Variants in TAFA2 observed in about 807,000 individuals in gnomAD.
The protein encoded by TAFA2 is TAFA chemokine like family member 2, also known as chemokine-like protein TAFA-2.
A neutral mutation model predicts 18.8 loss-of-function variants in TAFA2; 7 were observed. The observed-to-expected ratio is 0.37, with a 90% confidence interval of 0.21 to 0.70. TAFA2 has a LOEUF of 0.70. Ranked by LOEUF, TAFA2 falls within the 30% of genes least tolerant of loss-of-function variation. The pLI, the probability that TAFA2 is intolerant of heterozygous loss-of-function variation, is 0.53. For missense variants in TAFA2, 122 were observed against 158.1 expected, an observed-to-expected ratio of 0.77 and a Z score of 1.23; for synonymous variants, 60 against 54.2, an observed-to-expected ratio of 1.11 and a Z score of -0.47.
chr12:61,840,844 A>G (rs1034064757), intron 2 of TAFA2, among the ~76,000 whole-genome samples: 13 of 152,104 alleles, frequency 8.5e-5, no homozygotes, highest in African/African-American at 3.1e-4. Flanking sequence ...GAGGGTCATG[A>G]GGGAAATTTA....
At chr12:62,132,696 C>T (rs570893836) in intron 1 of TAFA2, among the ~76,000 whole-genome samples, 1 of 151,766 alleles carries the variant, frequency 6.6e-6, no homozygotes, top group African/African-American at 2.4e-5. Context: ...AAGTGAGACA[C>T]CTAAAAAACA....
chr12:61,907,566 TA>T (rs1876414540), intron 1 of TAFA2, among the ~76,000 whole-genome samples: 1 of 152,166 alleles, frequency 6.6e-6, no homozygotes. Context: ...GAACCTTAGC[TA>T]AAGCAGTGTA....
At chr12:61,917,112 T>C (rs1330798685) in intron 1 of TAFA2, among the ~76,000 whole-genome samples, 1 of 152,206 alleles carries the variant, frequency 6.6e-6, no homozygotes, top group Non-Finnish European at 1.5e-5. Flanking sequence ...TGAAGATGAC[T>C]GTTCAAGATC....
intron 2 of TAFA2, among the ~76,000 whole-genome samples, chr12:61,780,939 C>T (rs903086765): frequency 6.6e-6 from 1 of 151,684 alleles, no homozygotes; most frequent in Non-Finnish European, 1.5e-5. Context: ...CTCAAAACAT[C>T]ATAAAATCTA....
intron 2 of TAFA2, among the ~76,000 whole-genome samples, chr12:61,763,598 G>A (rs1221634088): frequency 2.0e-5 from 3 of 151,868 alleles, no homozygotes; most frequent in Non-Finnish European, 4.4e-5. Flanking sequence ...AGAGGTACGA[G>A]ACCACTGAAA....
chr12:62,254,156 AATTT>A (rs2062927555), intron 1 of TAFA2, among the ~76,000 whole-genome samples: 1 of 152,170 alleles, frequency 6.6e-6, no homozygotes, highest in South Asian at 2.1e-4. Context: ...TGATCTTATT[AATTT>A]GTTTATCTTA....
intron 1 of TAFA2, among the ~76,000 whole-genome samples, chr12:62,015,854 T>C (rs1176614476): frequency 1.3e-5 from 2 of 152,152 alleles, no homozygotes; most frequent in Non-Finnish European, 2.9e-5. Flanking sequence ...AATTCATAAA[T>C]GCAGAAAGTA....
intron 1 of TAFA2, chr12:61,880,718 C>T (rs12307486): frequency 0.014 from 5,321 of 368,362 alleles, 275 homozygotes; most frequent in African/African-American, 0.1. Flanking sequence ...TTGTGAAGAT[C>T]GAGACCCGCG....
At chr12:62,209,072 G>A (rs2062703453) in intron 1 of TAFA2, among the ~76,000 whole-genome samples, 1 of 152,014 alleles carries the variant, frequency 6.6e-6, no homozygotes, top group South Asian at 2.1e-4. Context: ...CCCAACACAA[G>A]GTTTTTGAAA....
At chr12:62,040,869 AC>A (rs569784907) in intron 1 of TAFA2, among the ~76,000 whole-genome samples, 27 of 152,136 alleles carry the variant, frequency 1.8e-4, no homozygotes, top group Non-Finnish European at 3.2e-4. Flanking sequence ...TTTCACAGAA[AC>A]TTCCTAAACA....
intron 1 of TAFA2, among the ~76,000 whole-genome samples, chr12:62,168,008 T>G (rs2062451618): frequency 6.6e-6 from 1 of 152,188 alleles, no homozygotes; most frequent in South Asian, 2.1e-4. Context: ...AAAAAACTCA[T>G]TAGCAATCTT....
At chr12:62,257,548 G>T (rs1352558732) in intron 1 of TAFA2, among the ~76,000 whole-genome samples, 1 of 152,130 alleles carries the variant, frequency 6.6e-6, no homozygotes, top group African/African-American at 2.4e-5. Context: ...ATCCTTCCTA[G>T]AGAATCTCTA....
intron 1 of TAFA2, among the ~76,000 whole-genome samples, chr12:62,081,539 C>G (rs956748050): frequency 6.6e-6 from 1 of 151,820 alleles, no homozygotes; most frequent in Admixed American, 6.6e-5. Flanking sequence ...GGCTGGAGTA[C>G]GGTGGTGCAA....
intron 1 of TAFA2, among the ~76,000 whole-genome samples, chr12:62,081,190 A>G (rs1035111892): frequency 7.2e-5 from 11 of 152,256 alleles, no homozygotes; most frequent in East Asian, 1.9e-4. Context: ...GCGAGACTCC[A>G]TCTCACAAAA....
intron 2 of TAFA2, among the ~76,000 whole-genome samples, chr12:61,814,572 G>A (rs1451455954): frequency 1.3e-5 from 2 of 151,138 alleles, no homozygotes; most frequent in African/African-American, 4.9e-5. Flanking sequence ...TAGAAGGTGG[G>A]GTACACAGAA....
In TAFA2 at chr12:61,847,266, TTAAAC is replaced by T. The variant is rs140208874; in HGVS notation, c.106+20049_106+20053del. Reference sequence around the variant, plus strand: ...AATACTCACTGTGTTCACAATTTTATTAAACTAAAGTGTTTTTTCTTAGTTGAGGA... The same window carrying T: ...AATACTCACTGTGTTCACAATTTTATTAAAGTGTTTTTTCTTAGTTGAGGA... On this transcript the variant is annotated intron_variant, in intron 2 of 4. Coordinates refer to ENST00000416284, the MANE Select transcript of TAFA2 (RefSeq NM_178539.5). Among the ~76,000 whole-genome samples, 113 of 152,352 alleles carry T rather than the reference TTAAAC, an allele frequency of 7.4e-4. No individual in the cohort carries two copies. The East Asian group carries it at 0.019, about 26-fold the overall frequency.
chr12:62,236,967 T>C (rs2062840630), intron 1 of TAFA2, among the ~76,000 whole-genome samples: 1 of 152,228 alleles, frequency 6.6e-6, no homozygotes, highest in African/African-American at 2.4e-5. Flanking sequence ...GTGACCTTCC[T>C]GTACCTGAAT....
intron 1 of TAFA2, among the ~76,000 whole-genome samples, chr12:61,926,998 C>G (rs978661469): frequency 1.3e-5 from 2 of 149,178 alleles, no homozygotes; most frequent in African/African-American, 5.0e-5. Flanking sequence ...TTGGTTGAAC[C>G]CAGGGGGCGG....
At chr12:61,776,200 A>G in intron 2 of TAFA2, 1 of 231,702 alleles carries the variant, frequency 4.3e-6, no homozygotes, top group South Asian at 5.7e-5. Context: ...GTGTGTATTG[A>G]GCATATTAAG....
Sources: gnomAD v4.1 joint callset for allele counts (sites outside exome capture counted in the v4.1 genomes callset) on GRCh38, gnomAD v4.1.1 for gene constraint, MANE v1.5 for transcripts, NCBI Gene and HGNC (gene_info 2026-07-23, HGNC 2026-07-21) for gene names.